Variants in PTPRM observed in about 807,000 individuals in gnomAD.
PTPRM encodes the protein receptor-type tyrosine-protein phosphatase mu.
A neutral mutation model predicts 186.7 loss-of-function variants in PTPRM; 47 were observed. The observed-to-expected ratio is 0.25, with a 90% CI of 0.20 to 0.32. PTPRM has a LOEUF of 0.32. PTPRM is among the 10% of genes least tolerant of loss of function. The pLI, the probability that PTPRM is intolerant of heterozygous loss-of-function variation, is 1.00. For synonymous variants in PTPRM, 668 were observed against 674.9 expected, an observed-to-expected ratio of 0.99 and a Z score of 0.16; for missense variants, 1,494 against 1,865.0, an observed-to-expected ratio of 0.80 and a Z score of 3.66.
intron 24 of PTPRM, among the ~76,000 whole-genome samples, chr18:8,373,625 A>G (rs1173303590): frequency 6.6e-6 from 1 of 152,216 alleles, no homozygotes; most frequent in Non-Finnish European, 1.5e-5. Context: ...TGTCTCCAAG[A>G]CAGAACATGT....
At chr18:8,051,895 T>C (rs367618932) in intron 7 of PTPRM, among the ~76,000 whole-genome samples, 2 of 152,248 alleles carry the variant, frequency 1.3e-5, no homozygotes, top group South Asian at 4.1e-4. Context: ...CGTTGTTACA[T>C]GGTTATTACA....
At chr18:7,751,508 G>C (rs1036987661) in intron 1 of PTPRM, 1 of 152,130 alleles carries the variant, frequency 6.6e-6, no homozygotes, top group Non-Finnish European at 1.5e-5. Context: ...TCTCTCATCT[G>C]AAAACAAAGG....
At chr18:7,738,988 G>A (rs2040833045) in intron 1 of PTPRM, among the ~76,000 whole-genome samples, 1 of 151,866 alleles carries the variant, frequency 6.6e-6, no homozygotes, top group Non-Finnish European at 1.5e-5. Flanking sequence ...TTTGGCTTTG[G>A]GAAGTGCTTT....
intron 7 of PTPRM, among the ~76,000 whole-genome samples, chr18:7,956,432 A>G (rs552532154): frequency 1.1e-4 from 16 of 152,312 alleles, no homozygotes; most frequent in African/African-American, 3.8e-4. Flanking sequence ...ATACTCATGG[A>G]AAATTCTGTA....
At chr18:8,227,389 AT>A (rs10714886) in intron 14 of PTPRM, among the ~76,000 whole-genome samples, 67,843 of 151,942 alleles carry the variant, frequency 0.45, 15,746 homozygotes, top group African/African-American at 0.57. Flanking sequence ...TCACACATAA[AT>A]TAATCAGCAT....
At chr18:7,956,477 G>A (rs563635568) in intron 7 of PTPRM, among the ~76,000 whole-genome samples, 1 of 152,168 alleles carries the variant, frequency 6.6e-6, no homozygotes, top group Non-Finnish European at 1.5e-5. Context: ...AAGGGAACAG[G>A]TACTTTTTTC....
chr18:8,012,347 G>A (rs189250775), intron 7 of PTPRM, among the ~76,000 whole-genome samples: 6 of 152,322 alleles, frequency 3.9e-5, no homozygotes, highest in Non-Finnish European at 2.9e-5. Flanking sequence ...AGATCGACAG[G>A]CCATGAAGAT....
chr18:8,206,220 G>A (rs1313241246), intron 14 of PTPRM, among the ~76,000 whole-genome samples: 1 of 149,180 alleles, frequency 6.7e-6, no homozygotes, highest in East Asian at 2.0e-4. Flanking sequence ...GAAGACTGGA[G>A]GCACAAAAAG....
At chr18:8,095,368 TA>T (rs2090963896) in intron 11 of PTPRM, among the ~76,000 whole-genome samples, 1 of 151,560 alleles carries the variant, frequency 6.6e-6, no homozygotes, top group African/African-American at 2.4e-5. Flanking sequence ...TGGCAAGGAA[TA>T]AAAAAATGAG....
intron 11 of PTPRM, among the ~76,000 whole-genome samples, chr18:8,096,111 G>A (rs1282986941): frequency 6.6e-6 from 1 of 152,150 alleles, no homozygotes; most frequent in Non-Finnish European, 1.5e-5. Flanking sequence ...TTACCATGAT[G>A]CCTACTCAGT....
chr18:8,375,435 C>T (rs191326902), intron 24 of PTPRM, among the ~76,000 whole-genome samples: 13 of 152,152 alleles, frequency 8.5e-5, no homozygotes, highest in East Asian at 5.8e-4. Context: ...AAAATATTTA[C>T]CCACATTAAA....
Position 8,142,048 on chromosome 18 carries a change from G to A in PTPRM, c.2168-1599G>A, listed in dbSNP as rs1052895269. Among the ~76,000 whole-genome samples, 29 of 152,208 alleles carry A rather than the reference G, an allele frequency of 1.9e-4. 1 individual carries two copies. On this transcript the variant is annotated intron_variant, in intron 13 of 32. Coordinates refer to ENST00000580170, the MANE Select transcript of PTPRM (RefSeq NM_001105244.2). ...TGATATGTTCCAATAGAATATTGGA[G>A]TGGTGTATTTCAGATGTAATTACCA...
intron 13 of PTPRM, among the ~76,000 whole-genome samples, chr18:8,129,879 A>G (rs1276885212): frequency 6.6e-6 from 1 of 152,232 alleles, no homozygotes; most frequent in African/African-American, 2.4e-5. Flanking sequence ...AACCTTGTCA[A>G]AAAATCAAGG....
intron 2 of PTPRM, among the ~76,000 whole-genome samples, chr18:7,879,113 A>G (rs1055256421): frequency 1.4e-4 from 22 of 152,228 alleles, no homozygotes; most frequent in Non-Finnish European, 1.6e-4. Context: ...TCTAAATGAC[A>G]CACTGTAATA....
chr18:8,038,238 AAATT>A (rs1432583937), intron 7 of PTPRM, among the ~76,000 whole-genome samples: 4 of 152,126 alleles, frequency 2.6e-5, no homozygotes, highest in African/African-American at 9.7e-5. Context: ...ATTTAGAACA[AAATT>A]AATTGTCATA....
At chr18:8,098,213 C>T (rs1046921826) in intron 11 of PTPRM, among the ~76,000 whole-genome samples, 4 of 152,138 alleles carry the variant, frequency 2.6e-5, no homozygotes, top group Admixed American at 6.5e-5. Context: ...TTAAGTGACT[C>T]ATGACCATAT....
At chr18:8,216,784 A>G (rs1043858093) in intron 14 of PTPRM, among the ~76,000 whole-genome samples, 4 of 152,234 alleles carry the variant, frequency 2.6e-5, no homozygotes, top group African/African-American at 7.2e-5. Context: ...CTTTTTGACC[A>G]ATATTTTTAT....
intron 14 of PTPRM, among the ~76,000 whole-genome samples, chr18:8,169,609 A>T (rs776916472): frequency 6.6e-6 from 1 of 152,180 alleles, no homozygotes; most frequent in African/African-American, 2.4e-5. Context: ...CTATTATGAG[A>T]TTCCGTATAA....
At chr18:7,662,332 T>C (rs1359419577) in intron 1 of PTPRM, among the ~76,000 whole-genome samples, 1 of 152,118 alleles carries the variant, frequency 6.6e-6, no homozygotes, top group Non-Finnish European at 1.5e-5. Flanking sequence ...AAGAGATGAA[T>C]GGATAAAGAA....
Sources: allele counts gnomAD v4.1 joint callset (sites outside exome capture counted in the v4.1 genomes callset), GRCh38; gene constraint gnomAD v4.1.1; transcripts MANE v1.5; gene names NCBI Gene and HGNC (gene_info 2026-07-23, HGNC 2026-07-21).